ATP2B2: variants seen among roughly 807,000 people sequenced by gnomAD.
ATP2B2 encodes the protein plasma membrane calcium-transporting ATPase 2.
Under a neutral mutation model 120.0 loss-of-function variants are expected in ATP2B2, and 15 were observed. That is an observed-to-expected ratio of 0.12 (90% CI 0.08 to 0.19). The LOEUF (loss-of-function observed/expected upper bound fraction) is 0.19, where lower values mean the gene tolerates loss of function less well. Among genes scored for constraint, ATP2B2 ranks in the 10% least tolerant of loss-of-function variants. ATP2B2 has a pLI of 1.00. For synonymous variants in ATP2B2, 694 were observed against 700.3 expected (o/e 0.99, Z 0.14); for missense variants, 1,045 against 1,719.8 (o/e 0.61, Z 6.94).
chr3:10,386,205 C>T (rs538909548), intron 7 of ATP2B2, among the ~76,000 whole-genome samples: 4 of 152,188 alleles, frequency 2.6e-5, no homozygotes, highest in Non-Finnish European at 4.4e-5. Flanking sequence ...CATGCTGGTA[C>T]GCAGGGCTAA....
intron 2 of ATP2B2, among the ~76,000 whole-genome samples, chr3:10,614,893 G>A (rs1033005867): frequency 2.0e-5 from 3 of 152,240 alleles, no homozygotes; most frequent in Admixed American, 1.3e-4. Flanking sequence ...GCTGAGAGAA[G>A]AGACTTTGCT....
intron 9 of ATP2B2, 124 bp from the exon 10 acceptor site, chr3:10,378,534 A>T: frequency 7.6e-7 from 1 of 1,314,158 alleles, no homozygotes; most frequent in Non-Finnish European, 1.1e-6. Context: ...GACTGCCTGG[A>T]CTGAGCCCCG....
chr3:10,553,215 G>A (rs560279956), intron 2 of ATP2B2, among the ~76,000 whole-genome samples: 3 of 152,326 alleles, frequency 2.0e-5, no homozygotes, highest in Admixed American at 2.0e-4. Context: ...GAATTGCAAG[G>A]TTCTAGATTC....
At chr3:10,663,814 T>C (rs1394264964) in intron 1 of ATP2B2, among the ~76,000 whole-genome samples, 2 of 152,118 alleles carry the variant, frequency 1.3e-5, no homozygotes, top group African/African-American at 2.4e-5. Flanking sequence ...GGGCTTCCCC[T>C]GGGGAGGCAG....
chr3:10,611,961 C>T, intron 2 of ATP2B2, among the ~76,000 whole-genome samples: 1 of 152,262 alleles, frequency 6.6e-6, no homozygotes, highest in East Asian at 1.9e-4. Context: ...CCTGATTACC[C>T]CAGTTAGAAA....
At chr3:10,341,833 A>G (rs171406) in intron 19 of ATP2B2, among the ~76,000 whole-genome samples, 60,771 of 152,104 alleles carry the variant, frequency 0.4, 12,999 homozygotes, top group South Asian at 0.56. Flanking sequence ...CTTTTTCATG[A>G]TAAGTTTTAC....
At chr3:10,388,901 T>G (rs1329342470) in intron 5 of ATP2B2, among the ~76,000 whole-genome samples, 1 of 152,260 alleles carries the variant, frequency 6.6e-6, no homozygotes, top group Non-Finnish European at 1.5e-5. Flanking sequence ...TTCAGTGTTC[T>G]AATAAAGTAC....
chr3:10,519,284 T>G (rs1446407802), intron 3 of ATP2B2, among the ~76,000 whole-genome samples: 11 of 152,208 alleles, frequency 7.2e-5, no homozygotes, highest in Non-Finnish European at 1.0e-4. Context: ...TGGGGTCCCC[T>G]GAATTAGCTA....
rs1235639061 is a variant in ATP2B2, at chr3:10,346,182, G to A, written c.2405-45C>T. ...CTCAGGCCCTGGGCCACTCAGGTGG[G>A]AGGCAGCCTGGGCCAGCCCTGGTCC... On this transcript the variant is annotated intron_variant, in intron 16 of 22. Coordinates refer to ENST00000360273, the MANE Select transcript of ATP2B2 (RefSeq NM_001001331.4). The surrounding 1 kb of genome is among the most constrained non-coding windows in gnomAD (Gnocchi z 4.1). The A allele has an allele frequency of 6.3e-7, 1 of 1,593,622 alleles. No individual in the cohort carries two copies. Among genetic ancestry groups the A allele is most frequent in the South Asian group, 1.1e-5 (1 of 90,622 alleles).
At chr3:10,668,992 C>T (rs779241721) in intron 1 of ATP2B2, among the ~76,000 whole-genome samples, 11 of 152,200 alleles carry the variant, frequency 7.2e-5, no homozygotes, top group East Asian at 3.8e-4. Flanking sequence ...TCCTGAGTCA[C>T]GTGGCTTGCA....
chr3:10,507,191 C>T (rs995306629), upstream of ATP2B2, among the ~76,000 whole-genome samples: 1 of 152,204 alleles, frequency 6.6e-6, no homozygotes, highest in Non-Finnish European at 1.5e-5. Flanking sequence ...AGGCAAGGCT[C>T]CCTGCTGGGG....
intron 5 of ATP2B2, among the ~76,000 whole-genome samples, chr3:10,390,668 G>A (rs897088519): frequency 2.0e-5 from 3 of 152,174 alleles, no homozygotes; most frequent in African/African-American, 7.2e-5. Flanking sequence ...AAGTCATGAA[G>A]GCTCACAGAG....
intron 1 of ATP2B2, among the ~76,000 whole-genome samples, chr3:10,650,822 AG>A (rs1190297729): frequency 6.6e-5 from 10 of 152,226 alleles, no homozygotes; most frequent in African/African-American, 2.4e-4. Context: ...GAAAGCAACC[AG>A]GAGGGGAGCT....
At chr3:10,441,009 T>A (rs533537370) in intron 2 of ATP2B2, among the ~76,000 whole-genome samples, 132 of 152,372 alleles carry the variant, frequency 8.7e-4, no homozygotes, top group African/African-American at 3.0e-3. Flanking sequence ...ATCACAGCTA[T>A]AACTAGCATC....
At chr3:10,417,499 G>A (rs937666741) in intron 2 of ATP2B2, among the ~76,000 whole-genome samples, 3 of 152,212 alleles carry the variant, frequency 2.0e-5, no homozygotes, top group African/African-American at 7.2e-5. Context: ...TGCACCAGAT[G>A]CCAGGCCCCA....
chr3:10,411,790 C>A (rs2062620300), intron 2 of ATP2B2, among the ~76,000 whole-genome samples: 1 of 152,194 alleles, frequency 6.6e-6, no homozygotes, highest in African/African-American at 2.4e-5. Context: ...GTGCTCGGAG[C>A]GTGCCTGGTG....
At position 10,405,734 on chromosome 3, in the gene ATP2B2, G is replaced by A. The variant is rs138079959; in HGVS notation, c.398-3386C>T. On this transcript the variant is annotated intron_variant, in intron 3 of 22. Transcript: ENST00000360273. ...TGGGGAATCCGCTTGGCCTCTTCGG[G>A]CCTGTCTGCATGTTCACCAGTACAA... is the stretch of plus-strand genomic sequence containing the variant. Among the ~76,000 whole-genome samples, 1,139 of 152,268 alleles carry A rather than the reference G, an allele frequency of 7.5e-3. 15 individuals carry two copies. Among genetic ancestry groups the A allele is most frequent in the African/African-American group, 0.026 (1,092 of 41,540 alleles).
chr3:10,417,290 C>T (rs1249320204), intron 2 of ATP2B2, among the ~76,000 whole-genome samples: 1 of 151,318 alleles, frequency 6.6e-6, no homozygotes, highest in Non-Finnish European at 1.5e-5. Flanking sequence ...AGCAGAGGTG[C>T]TCCTCACTTC....
intron 11 of ATP2B2, among the ~76,000 whole-genome samples, chr3:10,373,879 C>T (rs1364759721): frequency 6.6e-6 from 1 of 152,076 alleles, no homozygotes; most frequent in Non-Finnish European, 1.5e-5. Context: ...CTGGCTGCTA[C>T]TAGGAAACTT....
Sources: gnomAD v4.1 joint callset for allele counts (sites outside exome capture counted in the v4.1 genomes callset) on GRCh38, gnomAD v4.1.1 for gene constraint, Gnocchi (gnomAD v3.1) non-coding constraint, MANE v1.5 for transcripts, NCBI Gene and HGNC (gene_info 2026-07-23, HGNC 2026-07-21) for gene names.